Variants in TSPOAP1 observed in about 807,000 individuals in gnomAD.
The protein encoded by TSPOAP1 is peripheral-type benzodiazepine receptor-associated protein 1.
A neutral mutation model predicts 197.0 loss-of-function variants in TSPOAP1; 87 were observed. The ratio of observed to expected loss-of-function variants is 0.44; its 90% CI spans 0.37 to 0.53. The LOEUF (loss-of-function observed/expected upper bound fraction) is 0.53. TSPOAP1 is among the 20% of genes least tolerant of loss of function. The probability of loss-of-function intolerance (pLI) is 0.00; values close to 1 mark genes in which losing one functional copy is unlikely to be tolerated. For synonymous variants in TSPOAP1, 913 were observed against 998.9 expected (o/e 0.91, Z 1.62); for missense variants, 2,174 against 2,411.3 (o/e 0.90, Z 2.06).
In TSPOAP1 at chr17:58,318,372, G is replaced by T; in HGVS notation, c.1780C>A (p.Pro594Thr). The T allele has an allele frequency of 6.2e-7, 1 of 1,614,176 alleles. No homozygotes were observed. The highest frequency in any genetic ancestry group is 8.5e-7 in the Non-Finnish European group (1 of 1,180,016). Residue 594 changes from proline (P) to threonine (T), a missense_variant, in exon 14 of 32, where the codon CCT becomes ACT. This residue lies in a region of TSPOAP1 where 1,933 missense variants were observed against 2,139.0 expected (regional missense o/e 0.90). Transcript: ENST00000343736. ...EPAPATLTGV[P>T]RRTAKKAESL... The stretch of plus-strand genomic sequence containing the variant: ...TCTGCCTTCTTGGCTGTCCTTCGAG[G>T]GACCCCAGTGAGAGTGGCAGGGGCA...
In TSPOAP1 at chr17:58,305,188, G is replaced by A. The variant is rs200173933; in HGVS notation, c.5434-17C>T. Reference sequence around the variant, plus strand: ...TAATTCCCCCTGGAGAGAAGAGGCCGGTGAGACTGAGATCAGGAAAGAGGC... The same window carrying A: ...TAATTCCCCCTGGAGAGAAGAGGCCAGTGAGACTGAGATCAGGAAAGAGGC... On this transcript the variant is annotated splice_polypyrimidine_tract_variant and intron_variant, in intron 29 of 31. Coordinates refer to ENST00000343736, the MANE Select transcript of TSPOAP1 (RefSeq NM_004758.4). 27 of 1,584,784 alleles carry A rather than the reference G, an allele frequency of 1.7e-5. No homozygotes were observed. The Admixed American group carries it at 2.0e-4, about 12-fold the overall frequency.
intron 25 of TSPOAP1, 81 bp downstream of exon 25, chr17:58,306,719 C>A: frequency 6.6e-7 from 1 of 1,522,234 alleles, no homozygotes; most frequent in Non-Finnish European, 8.9e-7. Flanking sequence ...GGGAGCACCC[C>A]AGACACAACA....
chr17:58,326,739 C>A lies in TSPOAP1; in HGVS notation c.385G>T (p.Ala129Ser), dbSNP rs770040919. 9 of 1,614,138 alleles carry A rather than the reference C, an allele frequency of 5.6e-6. No individual in the cohort carries two copies. The South Asian group carries it at 9.9e-5, about 18-fold the overall frequency. Residue 129 changes from alanine (A) to serine (S), a missense_variant, in exon 2 of 32, where the codon GCC becomes TCC. By Grantham distance (99) the Ala-to-Ser change is moderately conservative. This residue lies in a region of TSPOAP1 where 1,933 missense variants were observed against 2,139.0 expected (regional missense o/e 0.90). Coordinates refer to ENST00000343736, the MANE Select transcript of TSPOAP1 (RefSeq NM_004758.4). This position sits in a 1 kb window ranked among gnomAD's most constrained non-coding sequence, Gnocchi z 4.7. ...GDRPNLELLR[A>S]LGELRQRCAI... The stretch of plus-strand genomic sequence containing the variant: ...CAGCGCTGCCGCAGCTCCCCCAGGG[C>A]CCTCAGCAGCTCCAGATTGGGCCTG...
Position 58,311,066 on chromosome 17 carries a change from C to T in TSPOAP1, c.3229G>A (p.Ala1077Thr), listed in dbSNP as rs771741785. 18 of 1,579,132 alleles carry T rather than the reference C, an allele frequency of 1.1e-5. No homozygotes were observed. Among genetic ancestry groups the T allele is most frequent in the East Asian group, 9.3e-5 (4 of 42,974 alleles). ...ADSIPAPITPALAPASLPARV... is the reference protein window; with the variant it reads ...ADSIPAPITPTLAPASLPARV... Reference sequence around the variant, plus strand: ...GCTGGCAGGCTGGCCGGAGCCAGGGCGGGAGTGATAGGAGCCGGGATGGAG... The same window carrying T: ...GCTGGCAGGCTGGCCGGAGCCAGGGTGGGAGTGATAGGAGCCGGGATGGAG... The change falls in exon 19 of 32, where the codon GCC becomes ACC. Residue 1077 changes from alanine (A) to threonine (T), a missense_variant. By Grantham distance (58) the Ala-to-Thr change is moderately conservative. Transcript: ENST00000343736.
At position 58,302,243 on chromosome 17, in the gene TSPOAP1, T is replaced by G. The variant is rs1393241105; in HGVS notation, c.*237A>C. On this transcript the variant is annotated 3_prime_UTR_variant, in exon 32 of 32. Coordinates refer to ENST00000343736, the MANE Select transcript of TSPOAP1 (RefSeq NM_004758.4). ...GATCTGGGGGCCTCTCAGGGCCTCT[T>G]CTGCCTGCAGGATGGGCCACAGCTT... 7.8e-7 allele frequency: 1 copy of G among 1,288,990 alleles called. No homozygotes were observed. Among genetic ancestry groups the G allele is most frequent in the Non-Finnish European group, 1.0e-6 (1 of 988,506 alleles). The allele number at this position is 1,288,990 out of a possible 1,614,324, so 79.8% of individuals were successfully genotyped here. A position where few individuals can be genotyped will look rare whatever the true frequency, so the allele number is the denominator to read the frequency against.
rs1187225781 is a variant in TSPOAP1, at chr17:58,326,668, G to T, written c.441+15C>A. 4 of 1,612,954 alleles carry T rather than the reference G, an allele frequency of 2.5e-6. No homozygotes were observed. The highest frequency in any genetic ancestry group is 3.4e-6 in the Non-Finnish European group (4 of 1,179,200). On this transcript the variant is annotated intron_variant, in intron 2 of 31. Coordinates refer to ENST00000343736, the MANE Select transcript of TSPOAP1 (RefSeq NM_004758.4). This position sits in a 1 kb window ranked among gnomAD's most constrained non-coding sequence, Gnocchi z 4.7. Reference sequence around the variant, plus strand: ...GCTCCAGCCAGAACGCAGCACCCCAGTCTCCAAGCCTCACCAGCATCTGGT... The same window carrying T: ...GCTCCAGCCAGAACGCAGCACCCCATTCTCCAAGCCTCACCAGCATCTGGT...
chr17:58,325,428 C>A (rs540957486), intron 4 of TSPOAP1, 106 bp downstream of exon 4: 3 of 1,450,520 alleles, frequency 2.1e-6, no homozygotes, highest in African/African-American at 2.8e-5. Flanking sequence ...GCAACCTCCA[C>A]CCTCCCTTTC....
At chr17:58,320,061 A>G in intron 12 of TSPOAP1, 48 bp downstream of exon 12, 1 of 1,613,424 alleles carries the variant, frequency 6.2e-7, no homozygotes, top group Non-Finnish European at 8.5e-7. Flanking sequence ...AGGAGATGCA[A>G]CTCAGCCAGC....
In TSPOAP1 at chr17:58,310,599, G is replaced by A. The variant is rs373858149; in HGVS notation, c.3612C>T (p.Ser1204=). 22 of 1,613,344 alleles carry A rather than the reference G, an allele frequency of 1.4e-5. No homozygotes were observed. The highest frequency in any genetic ancestry group is 1.2e-4 in the African/African-American group (9 of 75,060). Reference sequence around the variant, plus strand: ...CCTGCTGGGCCCGTGCTCCCTGGGTGGAGCTGGAGGCCGGACAGGCCTCTC... The same window carrying A: ...CCTGCTGGGCCCGTGCTCCCTGGGTAGAGCTGGAGGCCGGACAGGCCTCTC... ...TAGEACPASS[S]TQGARAQQAP... Residue 1204 remains serine, a synonymous_variant, in exon 20 of 32, where the codon TCC becomes TCT. Transcript: ENST00000343736.
Position 58,308,722 on chromosome 17 carries a change from G to A in TSPOAP1, c.4550C>T (p.Thr1517Ile), listed in dbSNP as rs759653511. The A allele has an allele frequency of 3.1e-6, 5 of 1,613,068 alleles. No homozygotes were observed. The Admixed American group carries it at 8.3e-5, about 27-fold the overall frequency. The change falls in exon 22 of 32, where the codon ACC (threonine) becomes ATC (isoleucine). Residue 1517 changes from threonine (T) to isoleucine (I), a missense_variant. This residue lies in a region of TSPOAP1 where 1,933 missense variants were observed against 2,139.0 expected (regional missense o/e 0.90). Transcript: ENST00000343736. The stretch of plus-strand genomic sequence containing the variant: ...CCCATCTCCAGGGTAGCAGGAGCTG[G>A]TGATGCTGATGCCCCCGCTGCCCGC... ...QEAGSGGISI[T>I]SSCYPGDGEA...
At chr17:58,306,599 T>A (rs1970901890) in intron 25 of TSPOAP1, 186 bp from the exon 26 acceptor site, 1 of 891,150 alleles carries the variant, frequency 1.1e-6, no homozygotes, top group Non-Finnish European at 1.7e-6. Flanking sequence ...CATGGCTGTA[T>A]TCCCCTCTGC....
Position 58,326,335 on chromosome 17 carries a change from C to G in TSPOAP1, c.528G>C (p.Leu176=). Residue 176 remains leucine (L), a synonymous_variant, in exon 3 of 32, where the codon CTG becomes CTC. Coordinates refer to ENST00000343736, the MANE Select transcript of TSPOAP1 (RefSeq NM_004758.4). The surrounding 1 kb of genome is among the most constrained non-coding windows in gnomAD (Gnocchi z 4.7). ...NAELAVIAKR[L]EERARKLQET... ...CCTGCAGCTTTCGGGCCCTCTCCTC[C>G]AGGCGCTTGGCAATGACCGCCAGCT... is the stretch of plus-strand genomic sequence containing the variant. The G allele has an allele frequency of 6.2e-7, 1 of 1,614,130 alleles. No individual in the cohort carries two copies. The highest frequency in any genetic ancestry group is 8.5e-7 in the Non-Finnish European group (1 of 1,180,026).
chr17:58,306,718 C>T, intron 25 of TSPOAP1, 82 bp downstream of exon 25: 1 of 1,519,794 alleles, frequency 6.6e-7, no homozygotes, highest in Non-Finnish European at 8.9e-7. Context: ...TGGGAGCACC[C>T]CAGACACAAC....
chr17:58,308,752 T>C lies in TSPOAP1; in HGVS notation c.4520A>G (p.Gln1507Arg). Residue 1507 changes from glutamine to arginine, a missense_variant, in exon 22 of 32, where the codon CAG (glutamine) becomes CGG (arginine). Gln to Arg is a conservative substitution (Grantham distance 43). Around this residue, in one of 5 missense-constraint regions of TSPOAP1, gnomAD observed 1,933 missense variants for 2,139.0 expected, o/e 0.90. Transcript: ENST00000343736. ...GCTGATGCCCCCGCTGCCCGCCTCC[T>C]GCTCATCCTCCGAATCATATTCAAT... is the stretch of plus-strand genomic sequence containing the variant. ...ISIEYDSEDE[Q>R]EAGSGGISIT... 6.2e-7 allele frequency: 1 copy of C among 1,613,058 alleles called. No individual in the cohort carries two copies. Among genetic ancestry groups the C allele is most frequent in the Non-Finnish European group, 8.5e-7 (1 of 1,180,000 alleles).
In TSPOAP1 at chr17:58,319,230, T is replaced by C. The variant is rs1216640564; in HGVS notation, c.1559A>G (p.Gln520Arg). The C allele has an allele frequency of 4.4e-6, 7 of 1,599,260 alleles. No homozygotes were observed. Among genetic ancestry groups the C allele is most frequent in the Non-Finnish European group, 6.0e-6 (7 of 1,173,044 alleles). ...SQTEQFSLLA[Q>R]ELQAFRLHPG... ...GTGCAGGCGGAAAGCCTGGAGTTCC[T>C]GTGCCAGGAGGCTGAACTGCTCGGT... Residue 520 changes from glutamine to arginine, a missense_variant, in exon 13 of 32, where the codon CAG becomes CGG. Coordinates refer to ENST00000343736, the MANE Select transcript of TSPOAP1 (RefSeq NM_004758.4).
chr17:58,305,257 G>A, intron 29 of TSPOAP1, 86 bp from the exon 30 acceptor site: 1 of 1,483,630 alleles, frequency 6.7e-7, no homozygotes, highest in Non-Finnish European at 9.4e-7. Flanking sequence ...GGAACAGCTG[G>A]GGCCAAAACC....
In TSPOAP1 at chr17:58,310,758, C is replaced by A. The variant is rs546544931; in HGVS notation, c.3460-7G>T. ...CTGCTGCCCCAGCCTCCTCCTGGAA[C>A]AGAGAGCACTGAGGAAGGACCCAAG... On this transcript the variant is annotated splice_region_variant and splice_polypyrimidine_tract_variant and intron_variant, in intron 19 of 31. Coordinates refer to ENST00000343736, the MANE Select transcript of TSPOAP1 (RefSeq NM_004758.4). 6.2e-7 allele frequency: 1 copy of A among 1,609,790 alleles called. No homozygotes were observed. The highest frequency in any genetic ancestry group is 1.3e-5 in the African/African-American group (1 of 74,892).
In TSPOAP1 at chr17:58,328,772, C is replaced by T. The variant is rs374170329; in HGVS notation, c.-852G>A. On this transcript the variant is annotated 5_prime_UTR_variant, in exon 1 of 32. Coordinates refer to ENST00000343736, the MANE Select transcript of TSPOAP1 (RefSeq NM_004758.4). This position sits in a 1 kb window ranked among gnomAD's most constrained non-coding sequence, Gnocchi z 4.3. Reference sequence around the variant, plus strand: ...CCAGGAGCCTCGAGATGGTGGGCTCCGAGGAGGGCTGAGCCTCAGAATTGG... The same window carrying T: ...CCAGGAGCCTCGAGATGGTGGGCTCTGAGGAGGGCTGAGCCTCAGAATTGG... The T allele has an allele frequency of 2.6e-5, 4 of 151,948 alleles. No individual in the cohort carries two copies. The highest frequency in any genetic ancestry group is 2.9e-5 in the Non-Finnish European group (2 of 68,058). The allele number at this position is 151,948 out of a possible 1,614,324, so 9.4% of individuals were successfully genotyped here.
Position 58,311,727 on chromosome 17 carries a change from G to A in TSPOAP1, c.2930-5C>T, listed in dbSNP as rs1433532887. Reference sequence around the variant, plus strand: ...CCAGAGGGGCATCAGGTGGGCCTGGGGGCAGGGGGGCACAAGACCCAGTGA... The same window carrying A: ...CCAGAGGGGCATCAGGTGGGCCTGGAGGCAGGGGGGCACAAGACCCAGTGA... On this transcript the variant is annotated splice_polypyrimidine_tract_variant and splice_region_variant and intron_variant, in intron 17 of 31. Coordinates refer to ENST00000343736, the MANE Select transcript of TSPOAP1 (RefSeq NM_004758.4). The A allele has an allele frequency of 6.4e-7, 1 of 1,557,116 alleles. No individual in the cohort carries two copies. Among genetic ancestry groups the A allele is most frequent in the East Asian group, 2.3e-5 (1 of 44,104 alleles).
Sources: gnomAD v4.1 joint callset for allele counts on GRCh38, gnomAD v4.1.1 for gene constraint, gnomAD v4.1.1 regional missense constraint, Gnocchi (gnomAD v3.1) non-coding constraint, MANE v1.5 for transcripts, NCBI Gene and HGNC (gene_info 2026-07-23, HGNC 2026-07-21) for gene names.